RAP1B: variants seen among roughly 807,000 people sequenced by gnomAD.
RAP1B encodes RAP1B, member of RAS oncogene family.
A neutral mutation model predicts 27.5 loss-of-function variants in RAP1B; 1 was observed. The observed-to-expected ratio is 0.04, with a 90% CI of 0.01 to 0.17. RAP1B has a LOEUF of 0.17. Among genes scored for constraint, RAP1B ranks in the 10% least tolerant of loss-of-function variants. The pLI is 1.00. For synonymous variants in RAP1B, 75 were observed against 73.1 expected, an observed-to-expected ratio of 1.03 and a Z score of -0.13; for missense variants, 84 against 214.8, an observed-to-expected ratio of 0.39 and a Z score of 3.81.
chr12:68,648,745 C>T lies in RAP1B; in HGVS notation c.21C>T (p.Val7=), dbSNP rs372178015. The stretch of plus-strand genomic sequence containing the variant: ...GCATCATGCGTGAGTATAAGCTAGT[C>T]GTTCTTGGCTCAGGAGGCGTTGGAA... MREYKL[V]VLGSGGVGKS... is the part of the protein sequence containing the mutation. Residue 7 remains valine (V), a synonymous_variant, in exon 2 of 8, where the codon GTC becomes GTT. Coordinates refer to ENST00000250559, the MANE Select transcript of RAP1B (RefSeq NM_001010942.3). 7.8e-5 allele frequency: 126 copies of T among 1,610,784 alleles called. No homozygotes were observed. In the South Asian group the frequency reaches 9.8e-4, roughly 13 times the overall value.
intron 1 of RAP1B, among the ~76,000 whole-genome samples, chr12:68,632,125 A>ATTTTTTT (rs1211565843): frequency 2.8e-5 from 3 of 107,140 alleles, no homozygotes; most frequent in African/African-American, 1.4e-4. Flanking sequence ...TGGGTTTTGG[A>ATTTTTTT]TTTGTTTTTT....
At chr12:68,651,739 TGA>T (rs1054256638) in intron 3 of RAP1B, 1 of 422,224 alleles carries the variant, frequency 2.4e-6, no homozygotes, top group Non-Finnish European at 4.3e-6. Context: ...GAATCCATAT[TGA>T]GACTGGTTCG....
chr12:68,635,110 A>G (rs1179459170), intron 1 of RAP1B, among the ~76,000 whole-genome samples: 1 of 152,174 alleles, frequency 6.6e-6, no homozygotes, highest in African/African-American at 2.4e-5. Flanking sequence ...GACAACTCAA[A>G]GTAAATATGA....
intron 1 of RAP1B, among the ~76,000 whole-genome samples, chr12:68,634,779 CTA>C (rs1184057004): frequency 6.6e-6 from 1 of 151,980 alleles, no homozygotes; most frequent in African/African-American, 2.4e-5. Context: ...GAAAAGGTAA[CTA>C]TAGAAATAAA....
chr12:68,613,881 G>A (rs1230709990), intron 1 of RAP1B, among the ~76,000 whole-genome samples: 2 of 152,074 alleles, frequency 1.3e-5, no homozygotes, highest in East Asian at 1.9e-4. Context: ...ATTAATTTTC[G>A]TTTTATCCTC....
Position 68,614,172 on chromosome 12 carries a change from C to T in RAP1B, c.-27+3129C>T, listed in dbSNP as rs568825199. Among the ~76,000 whole-genome samples the T allele has an allele frequency of 1.5e-4, 23 of 151,934 alleles. No homozygotes were observed. In the East Asian group the frequency reaches 4.1e-3, roughly 27 times the overall value. On this transcript the variant is annotated intron_variant, in intron 1 of 7. Coordinates refer to ENST00000250559, the MANE Select transcript of RAP1B (RefSeq NM_001010942.3). ...AAGCTCACGTTCAGGTTTTTTTTGC[C>T]TTTTGTTGTAGGTACTCGATAAATA... is the stretch of plus-strand genomic sequence containing the variant.
chr12:68,614,001 T>C (rs746148024), intron 1 of RAP1B, among the ~76,000 whole-genome samples: 25 of 152,352 alleles, frequency 1.6e-4, no homozygotes, highest in Admixed American at 6.5e-4. Flanking sequence ...AATTAATTAT[T>C]AAAATAACTA....
intron 1 of RAP1B, chr12:68,642,688 C>G (rs775903120): frequency 3.5e-6 from 4 of 1,136,726 alleles, no homozygotes; most frequent in Non-Finnish European, 5.4e-6. Context: ...AGAGAGACAC[C>G]CACTCAGCAC....
At position 68,657,328 on chromosome 12, in the gene RAP1B, T is replaced by G. The variant is rs1874276137; in HGVS notation, c.*30+111T>G. 3 of 657,478 alleles carry G rather than the reference T, an allele frequency of 4.6e-6. No homozygotes were observed. The East Asian group carries it at 8.2e-5, about 18-fold the overall frequency. 40.7% of individuals were successfully genotyped at this position (657,478 alleles called of 1,614,324 possible). ...TTGTTGGTTCTGAAAAATAAATGGT[T>G]TATTTTTATAAGATATCCATGAGTT... is the stretch of plus-strand genomic sequence containing the variant. On this transcript the variant is annotated intron_variant, in intron 7 of 7. Transcript: ENST00000250559.
chr12:68,623,701 G>A (rs931513288), intron 1 of RAP1B, among the ~76,000 whole-genome samples: 3 of 152,224 alleles, frequency 2.0e-5, no homozygotes, highest in African/African-American at 7.2e-5. Context: ...AGTTTTCAGA[G>A]ATTTTAGGAT....
At chr12:68,636,778 G>A (rs573937394) in intron 1 of RAP1B, among the ~76,000 whole-genome samples, 1 of 151,622 alleles carries the variant, frequency 6.6e-6, no homozygotes, top group Non-Finnish European at 1.5e-5. Context: ...CTCAGCCTCC[G>A]GAGTAGCTGG....
chr12:68,665,477 C>G lies in RAP1B; in HGVS notation c.*6228C>G, dbSNP rs566265566. The G allele has an allele frequency of 2.4e-4, 36 of 152,282 alleles. No homozygotes were observed. Among genetic ancestry groups the G allele is most frequent in the African/African-American group, 8.7e-4 (36 of 41,558 alleles). The allele number at this position is 152,282 out of a possible 1,614,324, so 9.4% of individuals were successfully genotyped here. On this transcript the variant is annotated 3_prime_UTR_variant, in exon 8 of 8. Coordinates refer to ENST00000250559, the MANE Select transcript of RAP1B (RefSeq NM_001010942.3). ...TTAAAAATAGTAATAAAAAGGAAAG[C>G]CTGGCCTAAACAGTCTTGGGATGGG...
chr12:68,652,133 T>C (rs1194500751), intron 4 of RAP1B, 82 bp downstream of exon 4: 1 of 1,070,052 alleles, frequency 9.3e-7, no homozygotes, highest in Middle Eastern at 2.1e-4. Flanking sequence ...TAGACAAATA[T>C]TAGTTAAGCT....
At chr12:68,648,631 A>T (rs1304828077) in intron 1 of RAP1B, 68 bp from the exon 2 acceptor site, 2 of 1,237,990 alleles carry the variant, frequency 1.6e-6, no homozygotes, top group Middle Eastern at 2.0e-4. Flanking sequence ...TGAATGTTTT[A>T]TTTCTGTGAA....
At chr12:68,652,675 G>T (rs79313447) in intron 4 of RAP1B, among the ~76,000 whole-genome samples, 3,582 of 151,822 alleles carry the variant, frequency 0.024, 46 homozygotes, top group Middle Eastern at 0.034. Flanking sequence ...AAAATTAGCC[G>T]GGCGTGGTGT....
At chr12:68,611,224 C>CGG (rs1870548744) in intron 1 of RAP1B, among the ~76,000 whole-genome samples, 181 bp downstream of exon 1, 1 of 147,128 alleles carries the variant, frequency 6.8e-6, no homozygotes, top group South Asian at 2.1e-4. Flanking sequence ...GGCGCCGGGC[C>CGG]CGCGAGCGCG....
At chr12:68,627,446 T>C in intron 1 of RAP1B, 1 of 388,160 alleles carries the variant, frequency 2.6e-6, no homozygotes, top group Non-Finnish European at 4.8e-6. Flanking sequence ...AATAATAGTG[T>C]TAGGAGTATA....
chr12:68,627,143 G>T (rs1871853077), intron 1 of RAP1B: 2 of 1,576,280 alleles, frequency 1.3e-6, no homozygotes, highest in African/African-American at 1.3e-5. Flanking sequence ...TGGCCACAGT[G>T]CCCTGGGGCT....
intron 7 of RAP1B, chr12:68,657,466 G>A (rs1282617502): frequency 2.5e-5 from 6 of 236,070 alleles, no homozygotes; most frequent in Admixed American, 5.7e-5. Flanking sequence ...GTGCAGTGGC[G>A]CAATATCAGC....
Sources: allele counts gnomAD v4.1 joint callset (sites outside exome capture counted in the v4.1 genomes callset), GRCh38; gene constraint gnomAD v4.1.1; transcripts MANE v1.5; gene names NCBI Gene and HGNC (gene_info 2026-07-23, HGNC 2026-07-21).